The following GUF1 variants were observed in gnomAD, a reference collection of about 807,000 sequenced individuals.
GUF1 encodes GTP binding elongation factor GUF1.
In GUF1, 78 loss-of-function variants were observed where a neutral mutation model predicts 82.4. The ratio of observed to expected loss-of-function variants is 0.95; its 90% CI spans 0.79 to 1.14. GUF1 has a LOEUF of 1.14. Among genes scored for constraint, GUF1 ranks in the 50% most tolerant of loss-of-function variants. GUF1 has a pLI of 0.00. For missense variants in GUF1, 814 were observed against 798.2 expected (o/e 1.02, Z -0.24); for synonymous variants, 279 against 282.3 (o/e 0.99, Z 0.12).
chr4:44,680,767 T>C lies in GUF1; in HGVS notation c.351T>C (p.Thr117=), dbSNP rs747132131. Residue 117 remains threonine (T), a synonymous_variant, in exon 3 of 17, where the codon ACT becomes ACC. Transcript: ENST00000281543. ...KLQVERERGI[T]VKAQTASLFY... is the part of the protein sequence containing the mutation. ...AAGTGGAACGAGAAAGAGGAATCAC[T>C]GTTAAAGCACAGACAGCATCTCTCT... The C allele has an allele frequency of 6.2e-7, 1 of 1,612,136 alleles. No homozygotes were observed. Among genetic ancestry groups the C allele is most frequent in the Non-Finnish European group, 8.5e-7 (1 of 1,178,508 alleles).
rs1437459152 is a variant in GUF1 at position 44,688,037 on chromosome 4, T to C, written c.969T>C (p.Ala323=). ...CAGGACAGGTGGGCTATCTGATTGC[T>C]GGGATGAAAGATGTCACTGAAGCGC... is the stretch of plus-strand genomic sequence containing the variant. ...LYAGQVGYLI[A]GMKDVTEAQI... is the part of the protein sequence containing the mutation. Residue 323 remains alanine, a synonymous_variant, in exon 9 of 17, where the codon GCT becomes GCC. Coordinates refer to ENST00000281543, the MANE Select transcript of GUF1 (RefSeq NM_021927.3). The C allele has an allele frequency of 1.9e-6, 3 of 1,612,320 alleles. No individual in the cohort carries two copies. Among genetic ancestry groups the C allele is most frequent in the East Asian group, 2.2e-5 (1 of 44,840 alleles).
At chr4:44,681,630 T>C (rs1232618109) in intron 4 of GUF1, among the ~76,000 whole-genome samples, 1 of 152,166 alleles carries the variant, frequency 6.6e-6, no homozygotes. Context: ...ATCAGTAACA[T>C]TACTAAGCTC....
chr4:44,697,505 GC>G (rs762099039), intron 16 of GUF1, 61 bp downstream of exon 16: 9 of 816,792 alleles, frequency 1.1e-5, no homozygotes, highest in Non-Finnish European at 1.7e-5. Flanking sequence ...ATCAAAGGGG[GC>G]ATAAACTTAT....
chr4:44,696,265 T>C (rs372703844), intron 15 of GUF1, among the ~76,000 whole-genome samples: 3 of 152,234 alleles, frequency 2.0e-5, no homozygotes, highest in South Asian at 2.1e-4. Flanking sequence ...ACAGGCTAAT[T>C]TGTGTCGGAC....
chr4:44,686,537 G>A lies in GUF1; in HGVS notation c.762G>A (p.Leu254=), dbSNP rs764751366. The A allele has an allele frequency of 2.5e-6, 4 of 1,611,614 alleles. No individual in the cohort carries two copies. The highest frequency in any genetic ancestry group is 3.4e-6 in the Non-Finnish European group (4 of 1,178,404). The change falls in exon 8 of 17, where the codon CTG becomes CTA. Residue 254 remains leucine (L), a synonymous_variant. Coordinates refer to ENST00000281543, the MANE Select transcript of GUF1 (RefSeq NM_021927.3). ...CTAAAGTGCATCGCAAAAATCCTCTGAGAGCTTTGGTATTTGACTCCACCT... is the reference window on the plus strand; with the variant it reads ...CTAAAGTGCATCGCAAAAATCCTCTAAGAGCTTTGGTATTTGACTCCACCT... ...PPPKVHRKNP[L]RALVFDSTFD...
At position 44,688,077 on chromosome 4, in the gene GUF1, T is replaced by G; in HGVS notation, c.1009T>G (p.Leu337Val). Residue 337 changes from leucine (L) to valine (V), a missense_variant, in exon 9 of 17, where the codon TTA (leucine) becomes GTA (valine). Leu to Val is a conservative substitution (Grantham distance 32). Transcript: ENST00000281543. ...CACTGAAGCGCAAATAGGAGATACA[T>G]TATGTTTACATAAGCAACCAGTGGA... ...DVTEAQIGDT[L>V]CLHKQPVEPL... 2.5e-6 allele frequency: 4 copies of G among 1,612,466 alleles called. No individual in the cohort carries two copies. Among genetic ancestry groups the G allele is most frequent in the Non-Finnish European group, 3.4e-6 (4 of 1,178,802 alleles).
At chr4:44,688,689 GTC>G in intron 9 of GUF1, among the ~76,000 whole-genome samples, 1 of 151,966 alleles carries the variant, frequency 6.6e-6, no homozygotes, top group South Asian at 2.1e-4. Context: ...TTGCCCTACA[GTC>G]TCTCTCACTG....
rs1242692628 is a variant in GUF1, at chr4:44,699,690, C to CTCAAATAACATAGACA, written c.*1020_*1035dup. 1 of 152,168 alleles carries CTCAAATAACATAGACA rather than the reference C, an allele frequency of 6.6e-6. No individual in the cohort carries two copies. The highest frequency in any genetic ancestry group is 2.4e-5 in the African/African-American group (1 of 41,434). 9.4% of individuals were successfully genotyped at this position (152,168 alleles called of 1,614,324 possible). A position where few individuals can be genotyped will look rare whatever the true frequency, so the allele number is the denominator to read the frequency against. Reference sequence around the variant, plus strand: ...ATGAATTCACTTATTAAACAGTAAACTCAAATAACATAGACATCAAATAAC... The same window carrying CTCAAATAACATAGACA: ...ATGAATTCACTTATTAAACAGTAAACTCAAATAACATAGACATCAAATAACATAGACATCAAATAAC... On this transcript the variant is annotated 3_prime_UTR_variant, in exon 17 of 17. Transcript: ENST00000281543.
At chr4:44,681,321 C>A in intron 4 of GUF1, 118 bp downstream of exon 4, 1 of 689,586 alleles carries the variant, frequency 1.5e-6, no homozygotes, top group Non-Finnish European at 2.5e-6. Flanking sequence ...TAGATTTAAT[C>A]TGTTACTTAC....
chr4:44,695,871 G>C, intron 15 of GUF1, 137 bp downstream of exon 15: 1 of 815,364 alleles, frequency 1.2e-6, no homozygotes, highest in South Asian at 1.8e-5. Flanking sequence ...GTGCTCTCCA[G>C]TTTTCTGATT....
chr4:44,697,664 T>C (rs1715921832), intron 16 of GUF1, among the ~76,000 whole-genome samples: 1 of 151,176 alleles, frequency 6.6e-6, no homozygotes, highest in Non-Finnish European at 1.5e-5. Flanking sequence ...TACAAAAATA[T>C]TTATTAAAAT....
chr4:44,680,342 G>C, intron 1 of GUF1, 99 bp from the exon 2 acceptor site: 1 of 584,828 alleles, frequency 1.7e-6, no homozygotes, highest in Non-Finnish European at 3.0e-6. Flanking sequence ...TGCTAGAAAT[G>C]ATATTGTTCA....
chr4:44,694,968 G>A (rs998126988), intron 14 of GUF1, among the ~76,000 whole-genome samples: 11 of 152,082 alleles, frequency 7.2e-5, no homozygotes, highest in Middle Eastern at 3.4e-3. Context: ...TACCATGCCC[G>A]GCTAATTTTT....
At chr4:44,685,749 T>C (rs1354336070) in intron 6 of GUF1, among the ~76,000 whole-genome samples, 2 of 152,078 alleles carry the variant, frequency 1.3e-5, no homozygotes, top group African/African-American at 4.8e-5. Context: ...TCTCTTGTAA[T>C]TCCATTCTAG....
At chr4:44,682,930 A>C (rs2109635901) in intron 5 of GUF1, among the ~76,000 whole-genome samples, 1 of 152,228 alleles carries the variant, frequency 6.6e-6, no homozygotes, top group East Asian at 1.9e-4. Context: ...TGTTGTATTT[A>C]ACTTAACCTT....
rs1716022130 is a variant in GUF1, at chr4:44,698,788, C to T, written c.*107C>T. On this transcript the variant is annotated 3_prime_UTR_variant, in exon 17 of 17. Transcript: ENST00000281543. ...TTCAGGGTATTCAGGTTCAAATAAC[C>T]TACTAGTCTTTCGTTGAAAGGGAGT... 1 of 987,482 alleles carries T rather than the reference C, an allele frequency of 1.0e-6. No homozygotes were observed. The highest frequency in any genetic ancestry group is 1.7e-5 in the South Asian group (1 of 57,966). The allele number at this position is 987,482 out of a possible 1,614,324, so 61.2% of individuals were successfully genotyped here.
At chr4:44,683,713 C>A (rs1283648367) in intron 6 of GUF1, among the ~76,000 whole-genome samples, 4 of 152,024 alleles carry the variant, frequency 2.6e-5, no homozygotes, top group African/African-American at 7.2e-5. Context: ...ATGTATCATT[C>A]TTGGAACTGA....
chr4:44,688,723 C>T (rs1434303773), intron 9 of GUF1, among the ~76,000 whole-genome samples: 1 of 151,784 alleles, frequency 6.6e-6, no homozygotes, highest in African/African-American at 2.4e-5. Flanking sequence ...CTTTGTTTAC[C>T]CCTACCTTTA....
intron 6 of GUF1, among the ~76,000 whole-genome samples, chr4:44,684,700 A>G (rs908104559): frequency 6.6e-6 from 1 of 152,144 alleles, no homozygotes; most frequent in Admixed American, 6.5e-5. Context: ...TACATAAAAC[A>G]TAACAGTTCA....
Sources: allele counts gnomAD v4.1 joint callset (sites outside exome capture counted in the v4.1 genomes callset), GRCh38; gene constraint gnomAD v4.1.1; transcripts MANE v1.5; gene names NCBI Gene and HGNC (gene_info 2026-07-23, HGNC 2026-07-21).